The following NUP98 variants were observed in gnomAD, a reference collection of about 807,000 sequenced individuals.
The protein encoded by NUP98 is nucleoporin 98 and 96 precursor, also known as nuclear pore complex protein Nup98-Nup96.
A neutral mutation model predicts 191.9 loss-of-function variants in NUP98; 26 were observed. The ratio of observed to expected loss-of-function variants is 0.14; its 90% CI spans 0.10 to 0.19. NUP98 has a LOEUF of 0.19. Among genes scored for constraint, NUP98 ranks in the 10% least tolerant of loss-of-function variants. The probability of loss-of-function intolerance (pLI) is 1.00; values close to 1 mark genes in which losing one functional copy is unlikely to be tolerated. For missense variants in NUP98, 1,941 were observed against 2,178.8 expected, an observed-to-expected ratio of 0.89 and a Z score of 2.17; for synonymous variants, 808 against 778.4, an observed-to-expected ratio of 1.04 and a Z score of -0.63.
intron 30 of NUP98, among the ~76,000 whole-genome samples, chr11:3,680,943 C>T (rs1323048084): frequency 6.6e-6 from 1 of 152,174 alleles, no homozygotes; most frequent in East Asian, 1.9e-4. Flanking sequence ...TCACTGCAGC[C>T]TCAACCTCCT....
intron 20 of NUP98, 95 bp from the exon 21 acceptor site, chr11:3,706,722 A>G: frequency 8.3e-7 from 1 of 1,204,096 alleles, no homozygotes. Context: ...ATATGATACA[A>G]CAATTATTAG....
chr11:3,724,785 A>AAAAAAAAAAAAAAAAAAC (rs2079550729), intron 15 of NUP98, among the ~76,000 whole-genome samples: 1 of 150,438 alleles, frequency 6.6e-6, no homozygotes, highest in African/African-American at 2.5e-5. Flanking sequence ...TGTCTCAAAA[A>AAAAAAAAAAAAAAAAAAC]AAAAAAAGAA....
At chr11:3,694,545 C>T (rs189915055) in intron 26 of NUP98, among the ~76,000 whole-genome samples, 1 of 151,528 alleles carries the variant, frequency 6.6e-6, no homozygotes, top group Non-Finnish European at 1.5e-5. Flanking sequence ...CCGAGACCAT[C>T]CTGGCTAACA....
At chr11:3,684,801 C>T (rs2078090761) in intron 29 of NUP98, among the ~76,000 whole-genome samples, 1 of 104,086 alleles carries the variant, frequency 9.6e-6, no homozygotes, top group African/African-American at 4.0e-5. Flanking sequence ...AAAAAAAAGG[C>T]TTAGGCTTAG....
intron 30 of NUP98, among the ~76,000 whole-genome samples, chr11:3,682,701 C>T (rs962192465): frequency 1.5e-4 from 23 of 152,142 alleles, no homozygotes; most frequent in African/African-American, 5.3e-4. Context: ...AATGTGAGAA[C>T]CACCAAAATG....
chr11:3,711,783 C>G, intron 20 of NUP98: 515 of 720,292 alleles, frequency 7.1e-4, no homozygotes, highest in Non-Finnish European at 8.2e-4. Flanking sequence ...ATTTATCATA[C>G]CCTCCCCTCC....
At chr11:3,718,338 C>T (rs2134199787) in intron 18 of NUP98, among the ~76,000 whole-genome samples, 1 of 152,176 alleles carries the variant, frequency 6.6e-6, no homozygotes, top group East Asian at 1.9e-4. Flanking sequence ...GAGTTCAAGA[C>T]CAGCCTGGTC....
At chr11:3,787,929 T>G (rs1227624444) in intron 1 of NUP98, among the ~76,000 whole-genome samples, 3 of 152,032 alleles carry the variant, frequency 2.0e-5, no homozygotes, top group Non-Finnish European at 4.4e-5. Flanking sequence ...GAGGCGGAGG[T>G]TGCAGTGAGC....
intron 11 of NUP98, among the ~76,000 whole-genome samples, chr11:3,751,078 G>C (rs1318837953): frequency 6.6e-6 from 1 of 152,038 alleles, no homozygotes; most frequent in Admixed American, 6.6e-5. Flanking sequence ...ATAATCCCAG[G>C]CCGGGCACGA....
At chr11:3,794,794 C>T (rs941643713) in intron 1 of NUP98, among the ~76,000 whole-genome samples, 2 of 150,156 alleles carry the variant, frequency 1.3e-5, no homozygotes, top group East Asian at 3.9e-4. Flanking sequence ...TTGTATTTTT[C>T]GTAGAGACAG....
At position 3,723,320 on chromosome 11, in the gene NUP98, G is replaced by A. The variant is rs138493671; in HGVS notation, c.1983C>T (p.His661=). The part of the protein sequence containing the change: ...PQTPESAGNK[H]SNSNSVDDTI... ...TATCATCCACACTGTTGCTGTTGCT[G>A]TGTTTATTTCCAGCACTTTCTGGGG... The change falls in exon 16 of 33, where the codon CAC becomes CAT. Residue 661 remains histidine, a synonymous_variant. Coordinates refer to ENST00000324932, the MANE Select transcript of NUP98 (RefSeq NM_016320.5). 43 of 1,614,016 alleles carry A rather than the reference G, an allele frequency of 2.7e-5. No homozygotes were observed. The highest frequency in any genetic ancestry group is 3.5e-5 in the Non-Finnish European group (41 of 1,180,036).
At chr11:3,788,230 T>C (rs886659002) in intron 1 of NUP98, among the ~76,000 whole-genome samples, 1 of 152,172 alleles carries the variant, frequency 6.6e-6, no homozygotes, top group Non-Finnish European at 1.5e-5. Flanking sequence ...TGAGCAGCAT[T>C]TTTTTCATCC....
At chr11:3,683,036 C>T (rs2078025543) in intron 30 of NUP98, among the ~76,000 whole-genome samples, 164 bp downstream of exon 30, 1 of 152,224 alleles carries the variant, frequency 6.6e-6, no homozygotes. Context: ...TCTAGCGCCT[C>T]ATCCTGGCTA....
At chr11:3,737,724 T>G (rs1426407328) in intron 12 of NUP98, among the ~76,000 whole-genome samples, 1 of 152,156 alleles carries the variant, frequency 6.6e-6, no homozygotes, top group Non-Finnish European at 1.5e-5. Flanking sequence ...ATTCAATAAA[T>G]ACTAAAACAC....
At chr11:3,788,544 T>C (rs1336941986) in intron 1 of NUP98, among the ~76,000 whole-genome samples, 5 of 152,062 alleles carry the variant, frequency 3.3e-5, no homozygotes, top group Admixed American at 6.6e-5. Flanking sequence ...TGAGCCCAGA[T>C]TGCGCCACTG....
intron 6 of NUP98, among the ~76,000 whole-genome samples, chr11:3,773,379 A>G (rs2081596850): frequency 6.6e-6 from 1 of 151,874 alleles, no homozygotes; most frequent in African/African-American, 2.4e-5. Flanking sequence ...TGGGCAAAAA[A>G]GCCCATCTCA....
intron 12 of NUP98, among the ~76,000 whole-genome samples, chr11:3,735,707 GT>G (rs142814339): frequency 0.019 from 2,803 of 151,258 alleles, 98 homozygotes; most frequent in African/African-American, 0.065. Context: ...TTATAGACTG[GT>G]TTGTCTAAAG....
chr11:3,789,553 T>C (rs2082265268), intron 1 of NUP98, among the ~76,000 whole-genome samples: 1 of 150,722 alleles, frequency 6.6e-6, no homozygotes, highest in Non-Finnish European at 1.5e-5. Context: ...TCTCACTCTG[T>C]TGCCCAGGCT....
At chr11:3,678,384 C>T (rs2077883933) in intron 31 of NUP98, among the ~76,000 whole-genome samples, 1 of 152,210 alleles carries the variant, frequency 6.6e-6, no homozygotes, top group African/African-American at 2.4e-5. Context: ...TTAACCTCTA[C>T]ACTCTATTGC....
Sources: allele counts gnomAD v4.1 joint callset (sites outside exome capture counted in the v4.1 genomes callset), GRCh38; gene constraint gnomAD v4.1.1; transcripts MANE v1.5; gene names NCBI Gene and HGNC (gene_info 2026-07-23, HGNC 2026-07-21).